The following CCDC62 variants were observed in gnomAD, a reference collection of about 807,000 sequenced individuals.
The protein encoded by CCDC62 is coiled-coil domain containing 62.
Under a neutral mutation model 80.8 loss-of-function variants are expected in CCDC62, and 72 were observed. That is an observed-to-expected ratio of 0.89 (90% CI 0.74 to 1.08). The LOEUF (loss-of-function observed/expected upper bound fraction) is 1.08. Ranked by LOEUF, CCDC62 falls within the 50% of genes least tolerant of loss-of-function variation. CCDC62 has a pLI of 0.00. For missense variants in CCDC62, 704 were observed against 809.4 expected, an observed-to-expected ratio of 0.87 and a Z score of 1.58; for synonymous variants, 286 against 296.5, an observed-to-expected ratio of 0.96 and a Z score of 0.36.
intron 10 of CCDC62, among the ~76,000 whole-genome samples, chr12:122,807,869 T>C (rs1200107281): frequency 6.6e-6 from 1 of 152,148 alleles, no homozygotes; most frequent in East Asian, 1.9e-4. Context: ...AACTTTTGTG[T>C]CCCTCTTGTT....
intron 11 of CCDC62, among the ~76,000 whole-genome samples, chr12:122,819,613 C>T (rs112099101): frequency 3.9e-4 from 60 of 152,166 alleles, no homozygotes; most frequent in African/African-American, 1.4e-3. Context: ...AAAAGGGAAC[C>T]GAGGGAATAA....
In CCDC62 at chr12:122,802,941, G is replaced by T. The variant is rs540621650; in HGVS notation, c.1706+1089G>T. 3.9e-5 allele frequency among the ~76,000 whole-genome samples: 6 copies of T among 152,236 alleles called. No individual in the cohort carries two copies. The East Asian group carries it at 9.6e-4, about 24-fold the overall frequency. On this transcript the variant is annotated intron_variant, in intron 9 of 12. Transcript: ENST00000253079. Reference sequence around the variant, plus strand: ...GCTACTTGGGAGGCTGAGGTGGGAGGATCACTTGAACTCAGGAGTTTGAGA... The same window carrying T: ...GCTACTTGGGAGGCTGAGGTGGGAGTATCACTTGAACTCAGGAGTTTGAGA...
At chr12:122,785,846 T>C (rs764221065) in intron 4 of CCDC62, 26 bp downstream of exon 4, 1 of 1,426,874 alleles carries the variant, frequency 7.0e-7, no homozygotes, top group South Asian at 1.1e-5. Context: ...AATTCCTCCA[T>C]TTGCCAGAGT....
At position 122,801,635 on chromosome 12, in the gene CCDC62, T is replaced by C; in HGVS notation, c.1489T>C (p.Cys497Arg). The C allele has an allele frequency of 6.2e-7, 1 of 1,614,162 alleles. No homozygotes were observed. Among genetic ancestry groups the C allele is most frequent in the Non-Finnish European group, 8.5e-7 (1 of 1,180,032 alleles). ...QDQMERSEIS[C>R]CQKNEACLGE... ...TCAGATGGAAAGGTCCGAAATCTCA[T>C]GCTGCCAGAAAAATGAAGCCTGTCT... Residue 497 changes from cysteine (C) to arginine (R), a missense_variant, in exon 9 of 13, where the codon TGC becomes CGC. By Grantham distance (180) the Cys-to-Arg change is radical. Coordinates refer to ENST00000253079, the MANE Select transcript of CCDC62 (RefSeq NM_201435.5).
intron 4 of CCDC62, 72 bp from the exon 5 acceptor site, chr12:122,788,686 A>C: frequency 1.1e-6 from 1 of 929,106 alleles, no homozygotes; most frequent in South Asian, 1.7e-5. Context: ...ATAAGATCTT[A>C]GTGTTATCTT....
At chr12:122,812,268 C>G (rs11060138) in intron 10 of CCDC62, among the ~76,000 whole-genome samples, 373 of 151,806 alleles carry the variant, frequency 2.5e-3, no homozygotes, top group African/African-American at 8.7e-3. Flanking sequence ...CATGGTGAAA[C>G]CCTGTCTCTA....
intron 4 of CCDC62, among the ~76,000 whole-genome samples, chr12:122,786,277 A>G (rs2030223692): frequency 6.6e-6 from 1 of 151,606 alleles, no homozygotes; most frequent in African/African-American, 2.4e-5. Context: ...CCTCTTGAGT[A>G]GCTGGGACTA....
At chr12:122,786,172 G>C (rs1423657264) in intron 4 of CCDC62, among the ~76,000 whole-genome samples, 2 of 151,984 alleles carry the variant, frequency 1.3e-5, no homozygotes, top group Admixed American at 6.6e-5. Context: ...TTTTGAGACG[G>C]AGTCTCGCTC....
chr12:122,781,274 C>A lies in CCDC62; in HGVS notation c.340C>A (p.Leu114Ile). 1 of 1,614,118 alleles carries A rather than the reference C, an allele frequency of 6.2e-7. No individual in the cohort carries two copies. Among genetic ancestry groups the A allele is most frequent in the Non-Finnish European group, 8.5e-7 (1 of 1,179,988 alleles). ...AGCTCTCCAAAAGACCCAACTACAG[C>A]TTCAGGAAATGGCTCAAAAGGCAAC... Reference protein sequence around the residue: ...QTALQKTQLQLQEMAQKATHS... With the variant: ...QTALQKTQLQIQEMAQKATHS... Residue 114 changes from leucine to isoleucine, a missense_variant, in exon 3 of 13, where the codon CTT (leucine) becomes ATT (isoleucine). Coordinates refer to ENST00000253079, the MANE Select transcript of CCDC62 (RefSeq NM_201435.5).
chr12:122,818,285 C>T (rs1457029068), intron 11 of CCDC62, among the ~76,000 whole-genome samples: 1 of 151,714 alleles, frequency 6.6e-6, no homozygotes, highest in Admixed American at 6.6e-5. Flanking sequence ...ACCCCATCTC[C>T]ACTAAAAATA....
At chr12:122,776,050 G>A (rs564336270) in intron 1 of CCDC62, among the ~76,000 whole-genome samples, 3 of 152,178 alleles carry the variant, frequency 2.0e-5, no homozygotes, top group Non-Finnish European at 4.4e-5. Flanking sequence ...TATTTCATAG[G>A]CAGGGACAGC....
intron 11 of CCDC62, among the ~76,000 whole-genome samples, chr12:122,819,311 G>C (rs572752101): frequency 1.2e-4 from 19 of 152,304 alleles, no homozygotes; most frequent in African/African-American, 4.6e-4. Flanking sequence ...GCTTCTCCAG[G>C]GCTTTGCCAT....
chr12:122,787,944 A>G (rs2030370814), intron 4 of CCDC62, among the ~76,000 whole-genome samples: 1 of 152,056 alleles, frequency 6.6e-6, no homozygotes, highest in Admixed American at 6.6e-5. Context: ...ACTTATTAGA[A>G]CGGTTATTTT....
chr12:122,784,515 G>A (rs1273989959), intron 3 of CCDC62, among the ~76,000 whole-genome samples: 6 of 151,184 alleles, frequency 4.0e-5, no homozygotes, highest in South Asian at 2.1e-4. Flanking sequence ...GCGAGACTCC[G>A]TCTCAAAAAT....
intron 5 of CCDC62, among the ~76,000 whole-genome samples, chr12:122,790,355 C>CTT (rs35088704): frequency 7.9e-5 from 12 of 151,202 alleles, no homozygotes; most frequent in Admixed American, 5.3e-4. Flanking sequence ...CAGCTTAAAA[C>CTT]TTTTTTTTTA....
intron 10 of CCDC62, 109 bp downstream of exon 10, chr12:122,806,404 G>GTTTTTTTT: frequency 2.3e-6 from 1 of 438,130 alleles, no homozygotes; most frequent in Non-Finnish European, 3.8e-6. Context: ...CTATTCCTCC[G>GTTTTTTTT]TTTTTTTTTT....
In CCDC62 at chr12:122,801,284, A is replaced by G. The variant is rs750830635; in HGVS notation, c.1138A>G (p.Lys380Glu). 5 of 1,614,068 alleles carry G rather than the reference A, an allele frequency of 3.1e-6. No individual in the cohort carries two copies. The highest frequency in any genetic ancestry group is 4.2e-6 in the Non-Finnish European group (5 of 1,180,038). The change falls in exon 9 of 13, where the codon AAA becomes GAA. Residue 380 changes from lysine to glutamate, a missense_variant. Lys to Glu is a moderately conservative substitution (Grantham distance 56). Coordinates refer to ENST00000253079, the MANE Select transcript of CCDC62 (RefSeq NM_201435.5). ...CTCTTGCGATGAATGCAAAGAGAAGAAACAACAGATCGATACTGTGTTTGG... is the reference window on the plus strand; with the variant it reads ...CTCTTGCGATGAATGCAAAGAGAAGGAACAACAGATCGATACTGTGTTTGG... ...KSSCDECKEK[K>E]QQIDTVFGEK... is the part of the protein sequence containing the mutation.
intron 2 of CCDC62, 26 bp from the exon 3 acceptor site, chr12:122,781,138 A>G (rs372007109): frequency 6.3e-7 from 1 of 1,590,942 alleles, no homozygotes; most frequent in Non-Finnish European, 8.6e-7. Context: ...AGGTGTGACT[A>G]CAAATTATTG....
rs199854554 is a variant in CCDC62 at position 122,788,880 on chromosome 12, T to G, written c.621T>G (p.Asp207Glu). The change falls in exon 5 of 13, where the codon GAT becomes GAG. Residue 207 changes from aspartate to glutamate, a missense_variant. By Grantham distance (45) the Asp-to-Glu change is conservative (BLOSUM62 2). Transcript: ENST00000253079. The part of the protein sequence containing the change: ...AETCIVKEKQ[D>E]YKQKLKALKI... Reference sequence around the variant, plus strand: ...CTTGTATTGTGAAAGAAAAGCAAGATTATAAGCAGAAATTGAAGGCACTTA... The same window carrying G: ...CTTGTATTGTGAAAGAAAAGCAAGAGTATAAGCAGAAATTGAAGGCACTTA... 1.4e-5 allele frequency: 22 copies of G among 1,611,316 alleles called. No individual in the cohort carries two copies. In the East Asian group the frequency reaches 4.9e-4, roughly 36 times the overall value.
Sources: gnomAD v4.1 joint callset for allele counts (sites outside exome capture counted in the v4.1 genomes callset) on GRCh38, gnomAD v4.1.1 for gene constraint, MANE v1.5 for transcripts, NCBI Gene and HGNC (gene_info 2026-07-23, HGNC 2026-07-21) for gene names.